USP37: variants seen among roughly 807,000 people sequenced by gnomAD.
The protein encoded by USP37 is ubiquitin specific peptidase 37.
In USP37, 27 loss-of-function variants were observed where a neutral mutation model predicts 124.0. The ratio of observed to expected loss-of-function variants is 0.22; its 90% CI spans 0.16 to 0.30. The LOEUF is 0.30. Among genes scored for constraint, USP37 ranks in the 10% least tolerant of loss-of-function variants. USP37 has a pLI of 1.00. For missense variants in USP37, 889 were observed against 1,140.4 expected, an observed-to-expected ratio of 0.78 and a Z score of 3.17; for synonymous variants, 365 against 388.0, an observed-to-expected ratio of 0.94 and a Z score of 0.70.
intron 10 of USP37, among the ~76,000 whole-genome samples, chr2:218,512,368 G>C (rs184409570): frequency 6.6e-6 from 1 of 152,012 alleles, no homozygotes; most frequent in African/African-American, 2.4e-5. Flanking sequence ...TTAGCCAAGC[G>C]TAGTGGCGCA....
Position 218,483,600 on chromosome 2 carries a change from A to C in USP37, c.1671-1366T>G, listed in dbSNP as rs563247658. Among the ~76,000 whole-genome samples the C allele has an allele frequency of 8.1e-4, 123 of 151,802 alleles. 2 individuals are homozygous for C. The highest frequency in any genetic ancestry group is 1.5e-4 in the Non-Finnish European group (10 of 67,882). ...ACACAAGTGATCTACCAGGAAAAAA[A>C]AAAAAAAGAAAAAAAAGAAAGAAAA... On this transcript the variant is annotated intron_variant, in intron 16 of 25. Coordinates refer to ENST00000258399, the MANE Select transcript of USP37 (RefSeq NM_020935.3).
chr2:218,512,722 T>C (rs965945411), intron 10 of USP37, among the ~76,000 whole-genome samples: 2 of 152,164 alleles, frequency 1.3e-5, no homozygotes, highest in African/African-American at 4.8e-5. Flanking sequence ...AAAAGTTTTA[T>C]CCCTTACTAC....
intron 10 of USP37, among the ~76,000 whole-genome samples, chr2:218,515,203 A>G (rs1690208419): frequency 6.6e-6 from 1 of 152,168 alleles, no homozygotes; most frequent in South Asian, 2.1e-4. Flanking sequence ...TAAATTTCAT[A>G]GGGAACTTTT....
chr2:218,507,575 A>AT (rs954188508), intron 11 of USP37, among the ~76,000 whole-genome samples: 8 of 151,898 alleles, frequency 5.3e-5, no homozygotes, highest in Non-Finnish European at 2.9e-5. Flanking sequence ...TCTTATAGTC[A>AT]TTTTTTTATG....
chr2:218,566,025 G>A (rs1693578009), intron 1 of USP37, among the ~76,000 whole-genome samples: 1 of 152,128 alleles, frequency 6.6e-6, no homozygotes, highest in African/African-American at 2.4e-5. Context: ...CTCCAGCTTA[G>A]GCAACAGAGC....
intron 10 of USP37, among the ~76,000 whole-genome samples, chr2:218,510,497 C>T (rs977470883): frequency 2.0e-5 from 3 of 152,162 alleles, no homozygotes; most frequent in African/African-American, 7.2e-5. Context: ...ACAAATAACA[C>T]AACAAACATT....
intron 13 of USP37, 62 bp from the exon 14 acceptor site, chr2:218,496,012 G>T: frequency 6.6e-7 from 1 of 1,513,834 alleles, no homozygotes. Context: ...AGCTTACTGA[G>T]GCTGGGTGTT....
At chr2:218,466,470 C>A (rs979003772) in intron 20 of USP37, among the ~76,000 whole-genome samples, 1 of 152,050 alleles carries the variant, frequency 6.6e-6, no homozygotes, top group South Asian at 2.1e-4. Flanking sequence ...AGCATCCACC[C>A]TCTACAGTTG....
intron 8 of USP37, among the ~76,000 whole-genome samples, chr2:218,542,957 G>A (rs1335167121): frequency 2.6e-5 from 4 of 152,150 alleles, no homozygotes; most frequent in Non-Finnish European, 5.9e-5. Flanking sequence ...AGAGGATAGG[G>A]AGGTACGAAT....
intron 10 of USP37, among the ~76,000 whole-genome samples, chr2:218,519,761 G>T (rs1370882912): frequency 6.6e-6 from 1 of 151,674 alleles, no homozygotes; most frequent in African/African-American, 2.4e-5. Context: ...GGCAGAGGTT[G>T]CAGTGGCTAA....
rs763870747 is a variant in USP37, at chr2:218,544,424, T to TAGAGAG, written c.680+1796_680+1797insCTCTCT. On this transcript the variant is annotated intron_variant, in intron 8 of 25. Coordinates refer to ENST00000258399, the MANE Select transcript of USP37 (RefSeq NM_020935.3). ...AAAAAAAAATATATATATATATATATATATATAGAGAGAGAGAGAGAGAGA... is the reference window on the plus strand; with the variant it reads ...AAAAAAAAATATATATATATATATATAGAGAGATATATAGAGAGAGAGAGAGAGAGA... Among the ~76,000 whole-genome samples the TAGAGAG allele has an allele frequency of 9.7e-3, 551 of 57,086 alleles. 1 individual carries two copies. Among genetic ancestry groups the TAGAGAG allele is most frequent in the Middle Eastern group, 0.01 (1 of 96 alleles). 37.5% of individuals were successfully genotyped at this position (57,086 alleles called of 152,430 possible).
At chr2:218,482,667 C>T (rs1048778439) in intron 16 of USP37, among the ~76,000 whole-genome samples, 30 of 152,172 alleles carry the variant, frequency 2.0e-4, no homozygotes, top group African/African-American at 6.3e-4. Context: ...ACATTAATTA[C>T]TTCAAGATGA....
intron 6 of USP37, among the ~76,000 whole-genome samples, chr2:218,547,427 T>TTG (rs957148606): frequency 2.5e-4 from 33 of 133,508 alleles, no homozygotes; most frequent in African/African-American, 8.0e-4. Flanking sequence ...GTTGTTGTTG[T>TTG]TTGTTGTTGT....
chr2:218,469,965 C>T (rs1332444287), intron 20 of USP37, among the ~76,000 whole-genome samples: 1 of 151,780 alleles, frequency 6.6e-6, no homozygotes, highest in Non-Finnish European at 1.5e-5. Flanking sequence ...GGACTACAGG[C>T]GACCGCCACC....
chr2:218,492,744 C>T (rs755574861), intron 14 of USP37, among the ~76,000 whole-genome samples: 12 of 152,128 alleles, frequency 7.9e-5, no homozygotes, highest in Non-Finnish European at 1.5e-4. Flanking sequence ...CAGTGGCTTA[C>T]GCCTGTAAAC....
At chr2:218,494,645 G>A (rs979657870) in intron 14 of USP37, among the ~76,000 whole-genome samples, 1 of 152,160 alleles carries the variant, frequency 6.6e-6, no homozygotes, top group African/African-American at 2.4e-5. Context: ...TAAGTCATGT[G>A]TGAAAGTCAT....
chr2:218,528,872 T>A (rs1198637391), intron 10 of USP37: 1 of 313,030 alleles, frequency 3.2e-6, no homozygotes, highest in African/African-American at 2.6e-5. Context: ...CAATTAAATA[T>A]CCAACTAGCC....
intron 19 of USP37, among the ~76,000 whole-genome samples, chr2:218,476,561 C>T (rs1237791361): frequency 2.6e-5 from 4 of 152,008 alleles, no homozygotes; most frequent in Admixed American, 6.6e-5. Flanking sequence ...GGCAACAGAG[C>T]GATACCCTGT....
At chr2:218,494,913 A>G (rs768220354) in intron 14 of USP37, among the ~76,000 whole-genome samples, 2 of 152,158 alleles carry the variant, frequency 1.3e-5, no homozygotes, top group Non-Finnish European at 2.9e-5. Context: ...AAAAGAAAAT[A>G]TTTTTAGTAA....
Sources: allele counts gnomAD v4.1 joint callset (sites outside exome capture counted in the v4.1 genomes callset), GRCh38; gene constraint gnomAD v4.1.1; transcripts MANE v1.5; gene names NCBI Gene and HGNC (gene_info 2026-07-23, HGNC 2026-07-21).